C17orf78: variants seen among roughly 807,000 people sequenced by gnomAD.
C17orf78 encodes uncharacterized protein C17orf78.
Under a neutral mutation model 31.8 loss-of-function variants are expected in C17orf78, and 27 were observed. That is an observed-to-expected ratio of 0.85 (90% CI 0.63 to 1.17). The LOEUF is 1.17. C17orf78 is among the 50% of genes most tolerant of loss of function. C17orf78 has a pLI of 0.00. For synonymous variants in C17orf78, 106 were observed against 115.1 expected (o/e 0.92, Z 0.51); for missense variants, 258 against 315.2 (o/e 0.82, Z 1.37).
chr17:37,388,712 T>C lies in C17orf78; in HGVS notation c.551T>C (p.Val184Ala), dbSNP rs367629966. 16 of 1,611,788 alleles carry C rather than the reference T, an allele frequency of 9.9e-6. No homozygotes were observed. Among genetic ancestry groups the C allele is most frequent in the African/African-American group, 4.0e-5 (3 of 74,882 alleles). ...GAGAAGAGACAGAAATGGAGTATTG[T>C]GGTCAAAATTCTGATTGCTGTCACC... is the stretch of plus-strand genomic sequence containing the variant. ...NLEKRQKWSI[V>A]VKILIAVTLL... Residue 184 changes from valine (V) to alanine (A), a missense_variant, in exon 5 of 7, where the codon GTG (valine) becomes GCG (alanine). By Grantham distance (64) the Val-to-Ala change is moderately conservative. Coordinates refer to ENST00000615133, the MANE Select transcript of C17orf78 (RefSeq NM_173625.5).
intron 5 of C17orf78, among the ~76,000 whole-genome samples, chr17:37,389,023 G>T (rs1039620060): frequency 4.6e-5 from 7 of 152,190 alleles, no homozygotes; most frequent in Non-Finnish European, 7.3e-5. Context: ...TAGTTATAAA[G>T]ATTGAGATTC....
At chr17:37,390,622 G>A (rs1288770451) in intron 6 of C17orf78, among the ~76,000 whole-genome samples, 7 of 149,098 alleles carry the variant, frequency 4.7e-5, no homozygotes, top group South Asian at 4.3e-4. Flanking sequence ...GCAAGACTCC[G>A]TCTCAAAAAG....
chr17:37,376,662 T>A (rs1435173045), intron 1 of C17orf78, among the ~76,000 whole-genome samples: 1 of 152,148 alleles, frequency 6.6e-6, no homozygotes, highest in African/African-American at 2.4e-5. Flanking sequence ...TCTCTAAAAT[T>A]AGCTAATCAA....
chr17:37,376,026 C>A lies in C17orf78; in HGVS notation c.-67C>A. ...TGCGTGTGGTGAAAGCAACTAGAGG[C>A]AGAGCTATCAAGGGCTGTGACAGAT... On this transcript the variant is annotated 5_prime_UTR_variant, in exon 1 of 7. Transcript: ENST00000615133. 7.3e-7 allele frequency: 1 copy of A among 1,375,918 alleles called. No individual in the cohort carries two copies. Among genetic ancestry groups the A allele is most frequent in the Non-Finnish European group, 1.0e-6 (1 of 966,180 alleles). The allele number at this position is 1,375,918 out of a possible 1,614,324, so 85.2% of individuals were successfully genotyped here.
intron 6 of C17orf78, among the ~76,000 whole-genome samples, chr17:37,390,175 T>TATATGCAC (rs60788220): frequency 2.2e-5 from 1 of 44,508 alleles, no homozygotes; most frequent in East Asian, 6.3e-4. Context: ...TATATATATA[T>TATATGCAC]ACACACACAC....
intron 3 of C17orf78, among the ~76,000 whole-genome samples, chr17:37,384,775 G>A (rs886553745): frequency 1.3e-5 from 2 of 152,140 alleles, no homozygotes; most frequent in Non-Finnish European, 2.9e-5. Flanking sequence ...AACTGGAATC[G>A]GGGATCACCT....
chr17:37,391,386 A>T lies in C17orf78; in HGVS notation c.751-261A>T, dbSNP rs139833207. ...AGGTTATGTGACTTCCCAAGGTTAC[A>T]CAGCTGTTAGAAACAGAACTATGAT... is the stretch of plus-strand genomic sequence containing the variant. On this transcript the variant is annotated intron_variant, in intron 6 of 6. Coordinates refer to ENST00000615133, the MANE Select transcript of C17orf78 (RefSeq NM_173625.5). 4.6e-5 allele frequency among the ~76,000 whole-genome samples: 7 copies of T among 152,344 alleles called. No homozygotes were observed. In the East Asian group the frequency reaches 1.3e-3, roughly 29 times the overall value.
chr17:37,388,907 T>C, intron 5 of C17orf78, 113 bp downstream of exon 5: 1 of 1,358,624 alleles, frequency 7.4e-7, no homozygotes, highest in Non-Finnish European at 1.0e-6. Context: ...TGAGGAGATG[T>C]GCCACTCACA....
At chr17:37,387,556 C>T (rs2050598881) in intron 4 of C17orf78, 1 of 151,986 alleles carries the variant, frequency 6.6e-6, no homozygotes, top group South Asian at 2.1e-4. Flanking sequence ...AAGAAATTCT[C>T]CTGCCTCAGC....
At chr17:37,377,391 G>T (rs1258508093) in intron 1 of C17orf78, among the ~76,000 whole-genome samples, 1 of 152,074 alleles carries the variant, frequency 6.6e-6, no homozygotes. Flanking sequence ...GGGCGTGGTG[G>T]CTCACACCTG....
chr17:37,391,148 T>TA (rs2050866408), intron 6 of C17orf78, among the ~76,000 whole-genome samples: 1 of 152,042 alleles, frequency 6.6e-6, no homozygotes, highest in Non-Finnish European at 1.5e-5. Context: ...TGAGGCAGGA[T>TA]AATCGCTTGA....
At chr17:37,389,635 C>T (rs542039257) in intron 6 of C17orf78, among the ~76,000 whole-genome samples, 3 of 151,142 alleles carry the variant, frequency 2.0e-5, no homozygotes, top group Middle Eastern at 3.4e-3. Context: ...TGCAGTGAGC[C>T]GAGATTGTGC....
At chr17:37,382,366 T>G (rs572305335) in intron 3 of C17orf78, among the ~76,000 whole-genome samples, 1 of 152,108 alleles carries the variant, frequency 6.6e-6, no homozygotes, top group East Asian at 1.9e-4. Flanking sequence ...AGTTTTTTTT[T>G]TTCTTTAGTG....
chr17:37,382,318 C>T (rs1158851563), intron 3 of C17orf78, among the ~76,000 whole-genome samples: 2 of 151,974 alleles, frequency 1.3e-5, no homozygotes, highest in African/African-American at 4.8e-5. Flanking sequence ...TCTCCTTCTG[C>T]CCTCCTTTCC....
In C17orf78 at chr17:37,377,883, C is replaced by G; in HGVS notation, c.63C>G (p.Leu21=). The G allele has an allele frequency of 6.2e-7, 1 of 1,613,108 alleles. No individual in the cohort carries two copies. Among genetic ancestry groups the G allele is most frequent in the Non-Finnish European group, 8.5e-7 (1 of 1,179,390 alleles). ...IASYDANKKD[L]RDSSCRLEQL... is the part of the protein sequence containing the mutation. The stretch of plus-strand genomic sequence containing the variant: ...TCCCCCTCTGCTCACCCCCAGACCT[C>G]AGAGATAGCAGTTGCCGACTGGAAC... Residue 21 remains leucine (L), a synonymous_variant, in exon 2 of 7, where the codon CTC becomes CTG. Coordinates refer to ENST00000615133, the MANE Select transcript of C17orf78 (RefSeq NM_173625.5).
At chr17:37,377,402 T>C (rs767867474) in intron 1 of C17orf78, among the ~76,000 whole-genome samples, 3 of 152,138 alleles carry the variant, frequency 2.0e-5, no homozygotes, top group Admixed American at 1.3e-4. Context: ...CTCACACCTG[T>C]CATCCTAGCA....
intron 3 of C17orf78, among the ~76,000 whole-genome samples, chr17:37,381,284 C>T (rs1822297548): frequency 6.6e-6 from 1 of 151,960 alleles, no homozygotes; most frequent in Non-Finnish European, 1.5e-5. Context: ...CTCCCAGGTT[C>T]ACGTGATTCT....
rs141048333 is a variant in C17orf78 at position 37,386,366 on chromosome 17, C to T, written c.508+241C>T. ...TAGCACTTTGGGAGGCCGAGGTGGG[C>T]GGATCACCTGTGGTCAGGAGTTCAA... On this transcript the variant is annotated intron_variant, in intron 4 of 6. Coordinates refer to ENST00000615133, the MANE Select transcript of C17orf78 (RefSeq NM_173625.5). Among the ~76,000 whole-genome samples, 1,019 of 152,002 alleles carry T rather than the reference C, an allele frequency of 6.7e-3. 14 individuals carry two copies. The highest frequency in any genetic ancestry group is 0.022 in the African/African-American group (913 of 41,444).
chr17:37,379,160 A>G lies in C17orf78; in HGVS notation c.169A>G (p.Thr57Ala), dbSNP rs1429004979. 2 of 1,613,800 alleles carry G rather than the reference A, an allele frequency of 1.2e-6. No individual in the cohort carries two copies. The highest frequency in any genetic ancestry group is 1.7e-6 in the Non-Finnish European group (2 of 1,179,858). ...MQETHTETKRTTFIQNRTIAT... is the reference protein window; with the variant it reads ...MQETHTETKRATFIQNRTIAT... Reference sequence around the variant, plus strand: ...AGAAACTCACACAGAAACCAAAAGGACAACATTCATTCAAAACCGGACTAT... The same window carrying G: ...AGAAACTCACACAGAAACCAAAAGGGCAACATTCATTCAAAACCGGACTAT... Residue 57 changes from threonine (T) to alanine (A), a missense_variant, in exon 3 of 7, where the codon ACA (threonine) becomes GCA (alanine). Transcript: ENST00000615133.
Sources: allele counts gnomAD v4.1 joint callset (sites outside exome capture counted in the v4.1 genomes callset), GRCh38; gene constraint gnomAD v4.1.1; transcripts MANE v1.5; gene names NCBI Gene and HGNC (gene_info 2026-07-23, HGNC 2026-07-21).